Variants in EFHB observed in about 807,000 individuals in gnomAD.
The protein encoded by EFHB is EF-hand domain-containing family member B.
In EFHB, 91 loss-of-function variants were observed where a neutral mutation model predicts 87.2. That is an observed-to-expected ratio of 1.04 (90% CI 0.88 to 1.24). EFHB has a LOEUF of 1.24. EFHB is among the 50% of genes most tolerant of loss of function. The pLI, the probability that EFHB is intolerant of heterozygous loss-of-function variation, is 0.00. For synonymous variants in EFHB, 325 were observed against 333.6 expected (o/e 0.97, Z 0.28); for missense variants, 1,084 against 998.8 (o/e 1.09, Z -1.15).
intron 1 of EFHB, among the ~76,000 whole-genome samples, chr3:19,922,163 C>G (rs1331394255): frequency 2.0e-5 from 3 of 151,948 alleles, no homozygotes; most frequent in African/African-American, 7.3e-5. Context: ...AAAACTCCAT[C>G]TCAAAAAAAG....
At chr3:19,941,183 C>A in intron 1 of EFHB, 2 of 372,320 alleles carry the variant, frequency 5.4e-6, no homozygotes, top group East Asian at 6.4e-5. Context: ...AGGAAAATAT[C>A]ATGAATCTGT....
intron 5 of EFHB, among the ~76,000 whole-genome samples, chr3:19,913,583 T>C (rs1392095403): frequency 6.6e-6 from 1 of 152,220 alleles, no homozygotes; most frequent in East Asian, 1.9e-4. Flanking sequence ...TGTTCATGGA[T>C]TGGAAGAATC....
At chr3:19,896,653 A>G (rs1575004757) in intron 9 of EFHB, 34 bp downstream of exon 9, 1 of 1,613,816 alleles carries the variant, frequency 6.2e-7, no homozygotes, top group Non-Finnish European at 8.5e-7. Flanking sequence ...CTGTAAGCCC[A>G]TGCATTACCA....
At chr3:19,916,299 G>T (rs1695228140) in intron 4 of EFHB, among the ~76,000 whole-genome samples, 1 of 152,066 alleles carries the variant, frequency 6.6e-6, no homozygotes. Context: ...TGGATCATCT[G>T]GGGTCGGGAG....
chr3:19,904,907 T>C (rs190981644), intron 6 of EFHB, among the ~76,000 whole-genome samples: 5 of 152,300 alleles, frequency 3.3e-5, no homozygotes, highest in South Asian at 4.1e-4. Flanking sequence ...TCTAGACTTT[T>C]ATGAGCAATC....
intron 1 of EFHB, among the ~76,000 whole-genome samples, chr3:19,927,697 A>G (rs1025108906): frequency 6.6e-6 from 1 of 152,172 alleles, no homozygotes; most frequent in Non-Finnish European, 1.5e-5. Flanking sequence ...CAGGTTATTC[A>G]CAATGGGGAT....
intron 6 of EFHB, among the ~76,000 whole-genome samples, chr3:19,901,674 C>T (rs1274038559): frequency 6.6e-6 from 1 of 152,096 alleles, no homozygotes; most frequent in African/African-American, 2.4e-5. Flanking sequence ...CCAGGCCAGG[C>T]GCAGCGGCTC....
upstream of EFHB, chr3:19,936,248 G>T: frequency 2.7e-6 from 2 of 751,370 alleles, no homozygotes; most frequent in Non-Finnish European, 4.6e-6. Context: ...TATCTGAGAG[G>T]CTGAAGTGGG....
intron 3 of EFHB, among the ~76,000 whole-genome samples, chr3:19,918,958 C>T (rs1349813698): frequency 4.5e-5 from 6 of 132,280 alleles, no homozygotes; most frequent in Admixed American, 2.6e-4. Context: ...CCAGCCTGGG[C>T]GACAGAGTGA....
intron 9 of EFHB, among the ~76,000 whole-genome samples, chr3:19,896,166 A>C (rs1694474532): frequency 6.6e-6 from 1 of 152,142 alleles, no homozygotes; most frequent in African/African-American, 2.4e-5. Flanking sequence ...AGTGCTACCC[A>C]TTGCCCCTTG....
chr3:19,913,088 G>T (rs1009456551), intron 5 of EFHB, among the ~76,000 whole-genome samples: 2 of 152,112 alleles, frequency 1.3e-5, no homozygotes, highest in African/African-American at 4.8e-5. Flanking sequence ...ACTGGATATA[G>T]AAGGAACACA....
intron 1 of EFHB, among the ~76,000 whole-genome samples, chr3:19,931,458 T>C (rs1041991413): frequency 1.3e-5 from 2 of 152,072 alleles, no homozygotes; most frequent in African/African-American, 2.4e-5. Context: ...TGGGAACCGG[T>C]GTGGTCAAGT....
intron 1 of EFHB, among the ~76,000 whole-genome samples, chr3:19,940,099 CT>C (rs1278652083): frequency 1.3e-5 from 2 of 152,112 alleles, no homozygotes; most frequent in Admixed American, 1.3e-4. Flanking sequence ...CTATGTACTT[CT>C]TTTTTTATGA....
At chr3:19,924,850 A>G (rs1341098514) in intron 1 of EFHB, among the ~76,000 whole-genome samples, 1 of 152,282 alleles carries the variant, frequency 6.6e-6, no homozygotes, top group South Asian at 2.1e-4. Context: ...GTGAACATAT[A>G]CCCTAAAACT....
At chr3:19,941,921 AG>A (rs34042550) in intron 1 of EFHB, among the ~76,000 whole-genome samples, 30,200 of 149,838 alleles carry the variant, frequency 0.2, 3,731 homozygotes, top group African/African-American at 0.34. Context: ...TGGGAGGCTG[AG>A]GGGGGGCAGA....
At chr3:19,918,515 G>C in intron 3 of EFHB, 103 bp from the exon 4 acceptor site, 1 of 1,089,032 alleles carries the variant, frequency 9.2e-7, no homozygotes. Flanking sequence ...TACGATTGTG[G>C]GAAAACATTT....
chr3:19,933,697 T>C lies in EFHB; in HGVS notation c.322A>G (p.Arg108Gly). Residue 108 changes from arginine to glycine, a missense_variant, in exon 1 of 13, where the codon AGA becomes GGA. Coordinates refer to ENST00000295824, the MANE Select transcript of EFHB (RefSeq NM_144715.4). ...QGTKPSLLPG[R>G]MGLENESLLA... ...AGACTCTCATTTTCTAACCCCATTC[T>C]TCCTGGCAACAGAGAAGGTTTTGTT... The C allele has an allele frequency of 6.2e-7, 1 of 1,614,008 alleles. No individual in the cohort carries two copies. Among genetic ancestry groups the C allele is most frequent in the South Asian group, 1.1e-5 (1 of 91,084 alleles).
At chr3:19,893,785 A>G (rs1409094490) in intron 9 of EFHB, among the ~76,000 whole-genome samples, 1 of 152,194 alleles carries the variant, frequency 6.6e-6, no homozygotes, top group Non-Finnish European at 1.5e-5. Context: ...CAAGGTGAGC[A>G]AATACCATCA....
chr3:19,910,544 G>A (rs1695018250), intron 5 of EFHB, among the ~76,000 whole-genome samples: 1 of 152,198 alleles, frequency 6.6e-6, no homozygotes, highest in South Asian at 2.1e-4. Context: ...CTGAAGGGAA[G>A]GACACAGGCC....
Sources: gnomAD v4.1 joint callset for allele counts (sites outside exome capture counted in the v4.1 genomes callset) on GRCh38, gnomAD v4.1.1 for gene constraint, MANE v1.5 for transcripts, NCBI Gene and HGNC (gene_info 2026-07-23, HGNC 2026-07-21) for gene names.